Variants in NCOA2 observed in about 807,000 individuals in gnomAD.
NCOA2 encodes the protein nuclear receptor coactivator 2.
In NCOA2, 21 loss-of-function variants were observed where a neutral mutation model predicts 145.1. The ratio of observed to expected loss-of-function variants is 0.14; its 90% CI spans 0.10 to 0.21. The LOEUF (loss-of-function observed/expected upper bound fraction) is 0.21. NCOA2 is among the 10% of genes least tolerant of loss of function. The pLI, the probability that NCOA2 is intolerant of heterozygous loss-of-function variation, is 1.00. For missense variants in NCOA2, 1,472 were observed against 1,837.6 expected (o/e 0.80, Z 3.64); for synonymous variants, 619 against 637.5 (o/e 0.97, Z 0.44).
chr8:70,231,237 GC>G (rs1563655638), intron 2 of NCOA2, among the ~76,000 whole-genome samples: 1 of 152,312 alleles, frequency 6.6e-6, no homozygotes, highest in South Asian at 2.1e-4. Flanking sequence ...TTTTAAAAAT[GC>G]TTTGCTAATT....
intron 4 of NCOA2, among the ~76,000 whole-genome samples, chr8:70,180,689 G>A (rs1815375604): frequency 6.6e-6 from 1 of 152,126 alleles, no homozygotes; most frequent in South Asian, 2.1e-4. Context: ...GCATAAATCT[G>A]TTATTTATTT....
chr8:70,134,342 G>C (rs1018696677), intron 15 of NCOA2, among the ~76,000 whole-genome samples: 1 of 152,212 alleles, frequency 6.6e-6, no homozygotes, highest in Non-Finnish European at 1.5e-5. Context: ...GGAGTTCCAT[G>C]AAAGAGTTCA....
intron 1 of NCOA2, among the ~76,000 whole-genome samples, chr8:70,316,873 G>C (rs777177660): frequency 6.6e-6 from 1 of 152,172 alleles, no homozygotes; most frequent in Non-Finnish European, 1.5e-5. Context: ...AAACACTGCT[G>C]ATGACGCCCG....
chr8:70,214,782 AAAATAGT>A (rs1319753085), intron 3 of NCOA2, among the ~76,000 whole-genome samples: 4 of 152,186 alleles, frequency 2.6e-5, no homozygotes, highest in Non-Finnish European at 5.9e-5. Flanking sequence ...AGAATGTGAC[AAAATAGT>A]AAACTGAAAA....
intron 1 of NCOA2, among the ~76,000 whole-genome samples, chr8:70,298,788 G>A (rs769340324): frequency 1.6e-4 from 25 of 152,130 alleles, no homozygotes; most frequent in Non-Finnish European, 3.4e-4. Flanking sequence ...TTAGCCGGGC[G>A]CGGTGGTTCA....
Position 70,163,566 on chromosome 8 carries a change from T to C in NCOA2, c.731A>G (p.Asp244Gly). ...QPKSIKEEGE[D>G]LQSCLICVAR... ...CACGCAAATCAAGCAGGACTGCAAA[T>C]CTTAAACCACACATGTTTACATTTA... Residue 244 changes from aspartate to glycine, a missense_variant and splice_region_variant, in exon 8 of 23, where the codon GAT (aspartate) becomes GGT (glycine). Asp to Gly is a moderately conservative substitution (Grantham distance 94, BLOSUM62 -1). Around this residue, in one of 4 missense-constraint regions of NCOA2, gnomAD observed 284 missense variants for 467.8 expected, o/e 0.61. Coordinates refer to ENST00000452400, the MANE Select transcript of NCOA2 (RefSeq NM_006540.4). The C allele has an allele frequency of 6.2e-7, 1 of 1,612,220 alleles. No individual in the cohort carries two copies. The highest frequency in any genetic ancestry group is 8.5e-7 in the Non-Finnish European group (1 of 1,178,408).
chr8:70,265,838 G>GTTGTTGTTGT (rs1563698994), intron 2 of NCOA2, among the ~76,000 whole-genome samples: 112 of 148,206 alleles, frequency 7.6e-4, no homozygotes, highest in African/African-American at 2.7e-3. Context: ...TTGTTGTTTT[G>GTTGTTGTTGT]TTTGTTTTTT....
At chr8:70,381,726 T>C (rs1031084138) in intron 1 of NCOA2, among the ~76,000 whole-genome samples, 5 of 152,210 alleles carry the variant, frequency 3.3e-5, no homozygotes, top group African/African-American at 1.2e-4. Context: ...ACAAAGCTAA[T>C]AGGTTTTGAA....
intron 1 of NCOA2, among the ~76,000 whole-genome samples, chr8:70,401,396 T>A (rs1038292684): frequency 6.6e-6 from 1 of 152,210 alleles, no homozygotes; most frequent in Non-Finnish European, 1.5e-5. Context: ...TCTGGCAAAC[T>A]ACATTTTACT....
chr8:70,221,563 A>G (rs1820138781), intron 2 of NCOA2, among the ~76,000 whole-genome samples: 1 of 152,212 alleles, frequency 6.6e-6, no homozygotes, highest in Non-Finnish European at 1.5e-5. Flanking sequence ...AGTAGGCCAA[A>G]CTTGGGAAGT....
chr8:70,272,970 T>C (rs1010722243), intron 2 of NCOA2, among the ~76,000 whole-genome samples: 3 of 152,214 alleles, frequency 2.0e-5, no homozygotes, highest in Non-Finnish European at 4.4e-5. Flanking sequence ...ACAAGCCAAA[T>C]TATACATTGT....
intron 1 of NCOA2, among the ~76,000 whole-genome samples, chr8:70,306,128 GA>G (rs1387531501): frequency 6.6e-6 from 1 of 152,138 alleles, no homozygotes; most frequent in Non-Finnish European, 1.5e-5. Context: ...GAATACTGGA[GA>G]AAACTGGATC....
chr8:70,170,135 C>G, intron 6 of NCOA2, 67 bp downstream of exon 6: 2 of 1,439,850 alleles, frequency 1.4e-6, no homozygotes, highest in Non-Finnish European at 1.9e-6. Context: ...AACCAAGACA[C>G]TGTGTGTATG....
chr8:70,170,718 C>T (rs771610543), intron 5 of NCOA2, among the ~76,000 whole-genome samples: 17 of 152,176 alleles, frequency 1.1e-4, no homozygotes, highest in Non-Finnish European at 1.9e-4. Context: ...GACTGACATA[C>T]TCCACGGGGC....
At chr8:70,163,587 A>G (rs2132448936) in intron 7 of NCOA2, 21 bp from the exon 8 acceptor site, 1 of 1,581,392 alleles carries the variant, frequency 6.3e-7, no homozygotes. Flanking sequence ...ACATGTTTAC[A>G]TTTATCATAT....
intron 1 of NCOA2, among the ~76,000 whole-genome samples, chr8:70,386,597 A>G (rs1190251290): frequency 1.3e-5 from 2 of 152,228 alleles, no homozygotes; most frequent in African/African-American, 4.8e-5. Flanking sequence ...GAGAGGGGCC[A>G]TACTTTTTCT....
the NCOA2 span, among the ~76,000 whole-genome samples, chr8:70,456,144 G>A: frequency 6.6e-6 from 1 of 151,786 alleles, no homozygotes; most frequent in South Asian, 2.1e-4. Flanking sequence ...GTACCACCTT[G>A]AGCCTGGCAT....
chr8:70,404,892 T>C (rs368813467), upstream of NCOA2, among the ~76,000 whole-genome samples: 5 of 152,358 alleles, frequency 3.3e-5, no homozygotes, highest in South Asian at 2.1e-4. Context: ...AAAAAAACTT[T>C]TGTTTAATGG....
At chr8:70,132,704 T>C (rs978746320) in intron 15 of NCOA2, among the ~76,000 whole-genome samples, 7 of 152,180 alleles carry the variant, frequency 4.6e-5, no homozygotes, top group African/African-American at 1.2e-4. Flanking sequence ...GCTGGGACTA[T>C]AGGCACGCGC....
Sources: gnomAD v4.1 joint callset for allele counts (sites outside exome capture counted in the v4.1 genomes callset) on GRCh38, gnomAD v4.1.1 for gene constraint, gnomAD v4.1.1 regional missense constraint, MANE v1.5 for transcripts, NCBI Gene and HGNC (gene_info 2026-07-23, HGNC 2026-07-21) for gene names.